The following ZNF778 variants were observed in gnomAD, a reference collection of about 807,000 sequenced individuals.
ZNF778 encodes zinc finger protein 778.
ZNF778 carries 37 observed loss-of-function variants against 23.9 expected under a neutral mutation model. The observed-to-expected ratio is 1.54, with a 90% CI of 1.19 to 2.03. ZNF778 has a LOEUF of 2.03. Ranked by LOEUF, ZNF778 falls within the 30% of genes most tolerant of loss-of-function variation. ZNF778 has a pLI of 0.00. For missense variants in ZNF778, 1,297 were observed against 934.4 expected, an observed-to-expected ratio of 1.39 and a Z score of -5.06; for synonymous variants, 483 against 343.9, an observed-to-expected ratio of 1.40 and a Z score of -4.48.
chr16:89,227,032 C>T lies in ZNF778; in HGVS notation c.744C>T (p.Asn248=), dbSNP rs761177167. The T allele has an allele frequency of 1.3e-5, 21 of 1,613,906 alleles. No homozygotes were observed. The highest frequency in any genetic ancestry group is 3.3e-5 in the South Asian group (3 of 91,072). ...SYLQARAGSH[N]GEETWKWKPC... ...TTCAGGCACGTGCGGGAAGTCACAA[C>T]GGAGAAGAAACATGGAAATGGAAGC... The change falls in exon 7 of 7, where the codon AAC becomes AAT. Residue 248 remains asparagine, a synonymous_variant. Transcript: ENST00000433976.
rs777738383 is a variant in ZNF778, at chr16:89,227,694, G to A, written c.1406G>A (p.Arg469Lys). ...TCCTCGGGCCTTACTGAGCATGTAA[G>A]GACTCACACTGGAGAGAAACCATAT... ...CTSSGLTEHVRTHTGEKPYEC... is the reference protein window; with the variant it reads ...CTSSGLTEHVKTHTGEKPYEC... Residue 469 changes from arginine (R) to lysine (K), a missense_variant, in exon 7 of 7, where the codon AGG becomes AAG. Coordinates refer to ENST00000433976, the MANE Select transcript of ZNF778 (RefSeq NM_001201407.2). 7.4e-6 allele frequency: 12 copies of A among 1,614,166 alleles called. No individual in the cohort carries two copies. Among genetic ancestry groups the A allele is most frequent in the South Asian group, 1.1e-5 (1 of 91,078 alleles).
In ZNF778 at chr16:89,232,576, C is replaced by T; in HGVS notation, c.*4014C>T. ...TTATGCCCTCCTGTGTGAAAATCTCCACTCCCAATGTCTGAGGGTTCCTCA... is the reference window on the plus strand; with the variant it reads ...TTATGCCCTCCTGTGTGAAAATCTCTACTCCCAATGTCTGAGGGTTCCTCA... On this transcript the variant is annotated 3_prime_UTR_variant, in exon 7 of 7. Transcript: ENST00000433976. The T allele has an allele frequency of 1.7e-6, 2 of 1,164,356 alleles. No homozygotes were observed. The highest frequency in any genetic ancestry group is 3.6e-5 in the Admixed American group (1 of 27,530). 72.1% of individuals were successfully genotyped at this position (1,164,356 alleles called of 1,614,324 possible).
rs1170316895 is a variant in ZNF778 at position 89,222,937 on chromosome 16, CAG to C, written c.118-219_118-218del. On this transcript the variant is annotated intron_variant, in intron 3 of 6. Coordinates refer to ENST00000433976, the MANE Select transcript of ZNF778 (RefSeq NM_001201407.2). Reference sequence around the variant, plus strand: ...GGTGCGCGTGACTGGAGGAGCGCGACAGGGCACGCGTGACTGGAGGAGAGCGA... The same window carrying C: ...GGTGCGCGTGACTGGAGGAGCGCGACGGCACGCGTGACTGGAGGAGAGCGA... Among the ~76,000 whole-genome samples the C allele has an allele frequency of 2.8e-5, 4 of 142,792 alleles. No homozygotes were observed. The Admixed American group carries it at 2.9e-4, about 10-fold the overall frequency. The allele number at this position is 142,792 out of a possible 152,430, so 93.7% of individuals were successfully genotyped here. A position where few individuals can be genotyped will look rare whatever the true frequency, so the allele number is the denominator to read the frequency against.
chr16:89,221,792 G>T (rs1027944473), intron 2 of ZNF778, among the ~76,000 whole-genome samples: 9 of 150,606 alleles, frequency 6.0e-5, no homozygotes, highest in Admixed American at 6.7e-5. Flanking sequence ...CTGTGTGTGT[G>T]TGTGTGTGTT....
chr16:89,218,251 A>C (rs555845273), intron 1 of ZNF778: 3 of 152,246 alleles, frequency 2.0e-5, no homozygotes, highest in Admixed American at 1.3e-4. Context: ...GAAAATCTGA[A>C]TCTAATAAAA....
rs1046884463 is a variant in ZNF778 at position 89,229,007 on chromosome 16, A to G, written c.*445A>G. The G allele has an allele frequency of 4.0e-6, 4 of 993,952 alleles. No homozygotes were observed. The highest frequency in any genetic ancestry group is 1.1e-4 in the Admixed American group (2 of 17,500). 61.6% of individuals were successfully genotyped at this position (993,952 alleles called of 1,614,324 possible). ...GATAGCAGTCGCTTCCCTGTGTTCT[A>G]AAACCTTGTGGGCTAACTTGAGACA... On this transcript the variant is annotated 3_prime_UTR_variant, in exon 7 of 7. Coordinates refer to ENST00000433976, the MANE Select transcript of ZNF778 (RefSeq NM_001201407.2).
chr16:89,218,050 G>A (rs552480990), intron 1 of ZNF778, 140 bp downstream of exon 1: 2 of 152,354 alleles, frequency 1.3e-5, no homozygotes, highest in East Asian at 1.9e-4. Context: ...TGAGCGCCCC[G>A]GGCGTGCAGC....
At position 89,233,378 on chromosome 16, in the gene ZNF778, GCAACT is replaced by G; in HGVS notation, c.*4823_*4827del. On this transcript the variant is annotated 3_prime_UTR_variant, in exon 7 of 7. Transcript: ENST00000433976. Reference sequence around the variant, plus strand: ...TGCGTATGCAACTCGCACTGCGTATGCAACTCAACTCGCACTGCGTATGCAACTCA... The same window carrying G: ...TGCGTATGCAACTCGCACTGCGTATGCAACTCGCACTGCGTATGCAACTCA... 222 of 798,870 alleles carry G rather than the reference GCAACT, an allele frequency of 2.8e-4. 5 individuals are homozygous for G. Among genetic ancestry groups the G allele is most frequent in the East Asian group, 1.6e-3 (18 of 11,228 alleles). 49.5% of individuals were successfully genotyped at this position (798,870 alleles called of 1,614,324 possible).
At chr16:89,221,485 A>T (rs527993739) in intron 2 of ZNF778, among the ~76,000 whole-genome samples, 5 of 152,254 alleles carry the variant, frequency 3.3e-5, no homozygotes, top group African/African-American at 1.2e-4. Flanking sequence ...CAGGCGAAAC[A>T]GACTACCCTG....
In ZNF778 at chr16:89,228,195, TAAG is replaced by T. The variant is rs1265978524; in HGVS notation, c.1910_1912del (p.Arg637del). On this transcript the variant is annotated inframe_deletion, in exon 7 of 7. Transcript: ENST00000433976. ...ACATCCTCACACCTTATCGTGCACA[TAAG>T]AACCCACACCGGTGAGAAACCCTAC... The T allele has an allele frequency of 1.1e-5, 17 of 1,613,364 alleles. No homozygotes were observed. Among genetic ancestry groups the T allele is most frequent in the Non-Finnish European group, 1.4e-5 (16 of 1,179,580 alleles).
rs2031984530 is a variant in ZNF778 at position 89,232,633 on chromosome 16, AT to A, written c.*4073del. ...GATAAAATATTAAAGGACCAATTGT[AT>A]TAATTATGTTTTTTTTTTTTTTGTT... On this transcript the variant is annotated 3_prime_UTR_variant, in exon 7 of 7. Transcript: ENST00000433976. The A allele has an allele frequency of 8.7e-7, 1 of 1,143,040 alleles. No individual in the cohort carries two copies. The highest frequency in any genetic ancestry group is 1.1e-6 in the Non-Finnish European group (1 of 927,942). The allele number at this position is 1,143,040 out of a possible 1,614,324, so 70.8% of individuals were successfully genotyped here.
rs2031934263 is a variant in ZNF778, at chr16:89,231,698, T to G, written c.*3136T>G. 1 of 152,144 alleles carries G rather than the reference T, an allele frequency of 6.6e-6. No individual in the cohort carries two copies. The highest frequency in any genetic ancestry group is 1.9e-4 in the East Asian group (1 of 5,192). 9.4% of individuals were successfully genotyped at this position (152,144 alleles called of 1,614,324 possible). ...GCCTGTAGGAAAATCTGGTAGGAGTTAGTAGTGTCTGTGAAGTCTCAATAA... is the reference window on the plus strand; with the variant it reads ...GCCTGTAGGAAAATCTGGTAGGAGTGAGTAGTGTCTGTGAAGTCTCAATAA... On this transcript the variant is annotated 3_prime_UTR_variant, in exon 7 of 7. Coordinates refer to ENST00000433976, the MANE Select transcript of ZNF778 (RefSeq NM_001201407.2).
At position 89,225,563 on chromosome 16, in the gene ZNF778, C is replaced by G. The variant is rs752355014; in HGVS notation, c.337C>G (p.Leu113Val). The G allele has an allele frequency of 6.2e-7, 1 of 1,608,458 alleles. No individual in the cohort carries two copies. Among genetic ancestry groups the G allele is most frequent in the Non-Finnish European group, 8.5e-7 (1 of 1,177,232 alleles). ...GRRAVLQEWRLKTKGPALRQD... is the reference protein window; with the variant it reads ...GRRAVLQEWRVKTKGPALRQD... ...TTCTTCTTTCTTTTCAGAATGGCGA[C>G]TTAAAACCAAAGGGCCAGCACTTCG... Residue 113 changes from leucine (L) to valine (V), a missense_variant, in exon 6 of 7, where the codon CTT becomes GTT. Physicochemically the swap from Leu to Val is conservative, Grantham distance 32 (BLOSUM62 1). Coordinates refer to ENST00000433976, the MANE Select transcript of ZNF778 (RefSeq NM_001201407.2).
intron 5 of ZNF778, among the ~76,000 whole-genome samples, chr16:89,225,290 T>A (rs1389736761): frequency 6.6e-6 from 1 of 151,844 alleles, no homozygotes; most frequent in Non-Finnish European, 1.5e-5. Context: ...CAAGTTTGTG[T>A]TTTGAATGTA....
chr16:89,227,914 C>T lies in ZNF778; in HGVS notation c.1626C>T (p.Tyr542=), dbSNP rs369861762. 1.9e-6 allele frequency: 3 copies of T among 1,614,088 alleles called. No individual in the cohort carries two copies. Among genetic ancestry groups the T allele is most frequent in the Non-Finnish European group, 2.5e-6 (3 of 1,180,014 alleles). ...AATGTAAGGACTGTGGGAAAGCCTA[C>T]AATAGGGTTTATCTACTGAATGAGC... ...PYECKDCGKA[Y]NRVYLLNEHV... is the part of the protein sequence containing the mutation. The change falls in exon 7 of 7, where the codon TAC becomes TAT. Residue 542 remains tyrosine (Y), a synonymous_variant. Coordinates refer to ENST00000433976, the MANE Select transcript of ZNF778 (RefSeq NM_001201407.2).
In ZNF778 at chr16:89,228,242, A is replaced by G; in HGVS notation, c.1954A>G (p.Lys652Glu). ...EKPYICKECGKAFASSSHLIE... is the reference protein window; with the variant it reads ...EKPYICKECGEAFASSSHLIE... ...ACCCTACATATGTAAGGAGTGTGGG[A>G]AAGCCTTTGCTTCCTCCTCACACCT... Residue 652 changes from lysine to glutamate, a missense_variant, in exon 7 of 7, where the codon AAA becomes GAA. By Grantham distance (56) the Lys-to-Glu change is moderately conservative. Transcript: ENST00000433976. The G allele has an allele frequency of 1.2e-6, 2 of 1,614,056 alleles. No individual in the cohort carries two copies. Among genetic ancestry groups the G allele is most frequent in the Non-Finnish European group, 1.7e-6 (2 of 1,179,912 alleles).
chr16:89,232,402 C>T lies in ZNF778; in HGVS notation c.*3840C>T. 3.3e-6 allele frequency: 1 copy of T among 306,006 alleles called. No homozygotes were observed. Among genetic ancestry groups the T allele is most frequent in the African/African-American group, 2.2e-5 (1 of 46,000 alleles). 19.0% of individuals were successfully genotyped at this position (306,006 alleles called of 1,614,324 possible). On this transcript the variant is annotated 3_prime_UTR_variant, in exon 7 of 7. Coordinates refer to ENST00000433976, the MANE Select transcript of ZNF778 (RefSeq NM_001201407.2). ...AATAAGCCTCTTTCTAAGTTACCCA[C>T]AGCCTCAGATATGTAGCAACACAGA... is the stretch of plus-strand genomic sequence containing the variant.
At position 89,232,968 on chromosome 16, in the gene ZNF778, T is replaced by A; in HGVS notation, c.*4406T>A. The A allele has an allele frequency of 7.9e-7, 1 of 1,265,848 alleles. No homozygotes were observed. 78.4% of individuals were successfully genotyped at this position (1,265,848 alleles called of 1,614,324 possible). A position where few individuals can be genotyped will look rare whatever the true frequency, so the allele number is the denominator to read the frequency against. On this transcript the variant is annotated 3_prime_UTR_variant, in exon 7 of 7. Coordinates refer to ENST00000433976, the MANE Select transcript of ZNF778 (RefSeq NM_001201407.2). ...TATGCAACTCAGCTCGCTCTGCGTA[T>A]GCAACTGAGCTCGCTCTGCGTATGC...
chr16:89,224,385 C>T (rs2031273289), intron 4 of ZNF778, among the ~76,000 whole-genome samples: 2 of 152,114 alleles, frequency 1.3e-5, no homozygotes, highest in South Asian at 2.1e-4. Flanking sequence ...TTTGAGAGGC[C>T]GGGGTGGGCG....
Sources: allele counts gnomAD v4.1 joint callset (sites outside exome capture counted in the v4.1 genomes callset), GRCh38; gene constraint gnomAD v4.1.1; transcripts MANE v1.5; gene names NCBI Gene and HGNC (gene_info 2026-07-23, HGNC 2026-07-21).